The following PTPRA variants were observed in gnomAD, a reference collection of about 807,000 sequenced individuals.
The protein encoded by PTPRA is receptor-type tyrosine-protein phosphatase alpha.
In PTPRA, 25 loss-of-function variants were observed where a neutral mutation model predicts 104.8. The observed-to-expected ratio is 0.24, with a 90% CI of 0.17 to 0.33. The LOEUF (loss-of-function observed/expected upper bound fraction) is 0.33. Among genes scored for constraint, PTPRA ranks in the 10% least tolerant of loss-of-function variants. The probability of loss-of-function intolerance (pLI) is 1.00; values close to 1 mark genes in which losing one functional copy is unlikely to be tolerated. For synonymous variants in PTPRA, 323 were observed against 368.9 expected (o/e 0.88, Z 1.43); for missense variants, 765 against 1,015.3 (o/e 0.75, Z 3.35).
chr20:2,895,104 T>C (rs1600074578), intron 1 of PTPRA, among the ~76,000 whole-genome samples: 1 of 151,608 alleles, frequency 6.6e-6, no homozygotes, highest in East Asian at 1.9e-4. Flanking sequence ...TTAGACAGAG[T>C]CTTGATCTGT....
At chr20:2,874,180 C>T (rs1269330102) in intron 1 of PTPRA, among the ~76,000 whole-genome samples, 1 of 151,708 alleles carries the variant, frequency 6.6e-6, no homozygotes, top group Non-Finnish European at 1.5e-5. Context: ...CCTTCAAGTC[C>T]ACCTCCCTCG....
intron 1 of PTPRA, among the ~76,000 whole-genome samples, chr20:2,906,148 A>C (rs765401970): frequency 5.3e-5 from 8 of 152,248 alleles, no homozygotes; most frequent in Non-Finnish European, 7.3e-5. Flanking sequence ...AACATTTGAA[A>C]CATTAATTAG....
Position 2,986,745 on chromosome 20 carries a change from T to C in PTPRA, c.443-20T>C, listed in dbSNP as rs781200289. ...CATTGCACAACACAGTAATGACTTG[T>C]TCTGTTGTCTTGATTTCAGATGAGA... On this transcript the variant is annotated intron_variant, in intron 6 of 23. Coordinates refer to ENST00000399903, the MANE Select transcript of PTPRA (RefSeq NM_001385305.1). 6.3e-7 allele frequency: 1 copy of C among 1,589,958 alleles called. No individual in the cohort carries two copies. The highest frequency in any genetic ancestry group is 1.1e-5 in the South Asian group (1 of 90,610).
chr20:2,899,196 C>G (rs896768070), intron 1 of PTPRA, among the ~76,000 whole-genome samples: 1 of 152,108 alleles, frequency 6.6e-6, no homozygotes, highest in Non-Finnish European at 1.5e-5. Flanking sequence ...AGTAGCCAGG[C>G]GTGGTGACAC....
chr20:3,018,866 C>T (rs1341314976), intron 13 of PTPRA, among the ~76,000 whole-genome samples: 2 of 108,480 alleles, frequency 1.8e-5, no homozygotes, highest in African/African-American at 4.5e-5. Context: ...GATCCCCCCA[C>T]CTCCCTCCCG....
chr20:2,893,898 ATAAT>A (rs1405509656), intron 1 of PTPRA, among the ~76,000 whole-genome samples: 2 of 152,056 alleles, frequency 1.3e-5, no homozygotes, highest in African/African-American at 2.4e-5. Context: ...ACTATACTAT[ATAAT>A]TAATATTTAT....
intron 20 of PTPRA, among the ~76,000 whole-genome samples, chr20:3,033,452 G>C (rs1568711135): frequency 6.6e-6 from 1 of 151,958 alleles, no homozygotes; most frequent in Non-Finnish European, 1.5e-5. Flanking sequence ...CTCACTGCTT[G>C]CCCGTGGGAC....
At position 2,952,480 on chromosome 20, in the gene PTPRA, T is replaced by C. The variant is rs181775873; in HGVS notation, c.-7+4456T>C. Among the ~76,000 whole-genome samples, 101 of 152,314 alleles carry C rather than the reference T, an allele frequency of 6.6e-4. 1 individual carries two copies. Among genetic ancestry groups the C allele is most frequent in the African/African-American group, 2.3e-3 (95 of 41,584 alleles). On this transcript the variant is annotated intron_variant, in intron 3 of 23. Coordinates refer to ENST00000399903, the MANE Select transcript of PTPRA (RefSeq NM_001385305.1). Reference sequence around the variant, plus strand: ...CTGGATACCAATCCTTTGTCAGATATATTTTTTGCAAAATTTTTTCCCAGC... The same window carrying C: ...CTGGATACCAATCCTTTGTCAGATACATTTTTTGCAAAATTTTTTCCCAGC...
chr20:2,908,046 A>G (rs1421943046), intron 1 of PTPRA, among the ~76,000 whole-genome samples: 6 of 152,288 alleles, frequency 3.9e-5, no homozygotes, highest in African/African-American at 1.4e-4. Context: ...GATTTAATTC[A>G]CTTATCACTA....
rs6084235 is a variant in PTPRA, at chr20:3,037,684, G to A, written c.2335-375G>A. Reference sequence around the variant, plus strand: ...ATCCCATGGAGCTAGAAATGTTTGGGGGGTAAAGAAAAGTGAATGTTAGGA... The same window carrying A: ...ATCCCATGGAGCTAGAAATGTTTGGAGGGTAAAGAAAAGTGAATGTTAGGA... On this transcript the variant is annotated intron_variant, in intron 23 of 23. Transcript: ENST00000399903. The surrounding 1 kb of genome is among the most constrained non-coding windows in gnomAD (Gnocchi z 4.3). 0.12 allele frequency among the ~76,000 whole-genome samples: 18,334 copies of A among 152,202 alleles called. 1,451 individuals are homozygous for A. The highest frequency in any genetic ancestry group is 0.29 in the East Asian group (1,477 of 5,158).
At chr20:3,019,757 A>G (rs910557271) in intron 13 of PTPRA, among the ~76,000 whole-genome samples, 1 of 152,296 alleles carries the variant, frequency 6.6e-6, no homozygotes, top group Non-Finnish European at 1.5e-5. Context: ...AGCCAAGATC[A>G]CGCCACTGCA....
intron 1 of PTPRA, among the ~76,000 whole-genome samples, chr20:2,878,457 G>A (rs1384491025): frequency 2.0e-5 from 3 of 152,120 alleles, no homozygotes; most frequent in South Asian, 2.1e-4. Flanking sequence ...TGATCCACCC[G>A]CCTTGGCCTC....
rs35272226 is a variant in PTPRA, at chr20:2,914,445, C to CTGTGTGTGTGTGTG, written c.-128-8740_-128-8727dup. Among the ~76,000 whole-genome samples the CTGTGTGTGTGTGTG allele has an allele frequency of 1.9e-4, 28 of 145,720 alleles. No homozygotes were observed. The South Asian group carries it at 2.4e-3, about 13-fold the overall frequency. On this transcript the variant is annotated intron_variant, in intron 1 of 23. Coordinates refer to ENST00000399903, the MANE Select transcript of PTPRA (RefSeq NM_001385305.1). ...TAGACTCATTTTTTTATTTCTTGCT[C>CTGTGTGTGTGTGTG]TGTGTGTGTGTGTGTGTGTGTGTGT...
rs575270752 is a variant in PTPRA at position 2,915,081 on chromosome 20, C to CT, written c.-128-8114dup. On this transcript the variant is annotated intron_variant, in intron 1 of 23. Transcript: ENST00000399903. ...CATGTATCAGTACTTCATTCTTCTT[C>CT]TTTTTTTTTTTTAAAGAGTTGGGGG... Among the ~76,000 whole-genome samples the CT allele has an allele frequency of 3.5e-3, 513 of 144,874 alleles. 2 individuals are homozygous for CT. The highest frequency in any genetic ancestry group is 0.029 in the South Asian group (130 of 4,556).
At chr20:3,004,395 A>G (rs1184384029) in intron 9 of PTPRA, among the ~76,000 whole-genome samples, 2 of 152,112 alleles carry the variant, frequency 1.3e-5, no homozygotes, top group Non-Finnish European at 2.9e-5. Flanking sequence ...AGACTATCTC[A>G]TGTCAGATCA....
intron 13 of PTPRA, among the ~76,000 whole-genome samples, chr20:3,019,241 C>T (rs1313596994): frequency 6.8e-6 from 1 of 147,234 alleles, no homozygotes. Context: ...GGCGGCTGGC[C>T]GGGCGGGGGG....
At chr20:2,954,764 T>C (rs1299649595) in intron 3 of PTPRA, among the ~76,000 whole-genome samples, 2 of 152,180 alleles carry the variant, frequency 1.3e-5, no homozygotes, top group African/African-American at 2.4e-5. Context: ...ATCCAAGAAA[T>C]TTTTGCCAAA....
intron 2 of PTPRA, among the ~76,000 whole-genome samples, chr20:2,935,271 G>A (rs141544415): frequency 3.1e-4 from 47 of 152,022 alleles, no homozygotes; most frequent in African/African-American, 1.0e-3. Context: ...GGCTTATTTC[G>A]TTTAACATAA....
At chr20:2,999,244 A>G (rs1249086568) in intron 9 of PTPRA, among the ~76,000 whole-genome samples, 1 of 152,210 alleles carries the variant, frequency 6.6e-6, no homozygotes, top group Non-Finnish European at 1.5e-5. Flanking sequence ...GATAGGATCA[A>G]TGGATTAGGA....
Sources: gnomAD v4.1 joint callset for allele counts (sites outside exome capture counted in the v4.1 genomes callset) on GRCh38, gnomAD v4.1.1 for gene constraint, Gnocchi (gnomAD v3.1) non-coding constraint, MANE v1.5 for transcripts, NCBI Gene and HGNC (gene_info 2026-07-23, HGNC 2026-07-21) for gene names.